Variants in ALK observed in about 807,000 individuals in gnomAD.
ALK encodes the protein ALK receptor tyrosine kinase.
Under a neutral mutation model 163.1 loss-of-function variants are expected in ALK, and 74 were observed. The observed-to-expected ratio is 0.45, with a 90% confidence interval of 0.38 to 0.55. ALK has a LOEUF of 0.55. Among genes scored for constraint, ALK ranks in the 20% least tolerant of loss-of-function variants. ALK has a pLI of 0.00. For missense variants in ALK, 2,063 were observed against 2,105.3 expected (o/e 0.98, Z 0.39); for synonymous variants, 960 against 843.2 (o/e 1.14, Z -2.40).
At chr2:29,548,212 GC>G (rs1673609139) in intron 3 of ALK, among the ~76,000 whole-genome samples, 2 of 152,136 alleles carry the variant, frequency 1.3e-5, no homozygotes, top group African/African-American at 4.8e-5. Context: ...GGTGGCTCAC[GC>G]CTGTAATCCC....
chr2:29,242,539 A>G (rs1338918377), intron 12 of ALK, among the ~76,000 whole-genome samples: 1 of 152,110 alleles, frequency 6.6e-6, no homozygotes, highest in Admixed American at 6.5e-5. Flanking sequence ...CCTCAACCAC[A>G]TCTGAGAGCC....
intron 2 of ALK, among the ~76,000 whole-genome samples, chr2:29,712,249 T>G (rs1679124935): frequency 6.6e-6 from 1 of 152,162 alleles, no homozygotes; most frequent in East Asian, 1.9e-4. Flanking sequence ...TCAGACTTTG[T>G]GGTGAATGCA....
chr2:29,317,985 T>C (rs1402170828), intron 8 of ALK, among the ~76,000 whole-genome samples: 1 of 152,246 alleles, frequency 6.6e-6, no homozygotes, highest in Non-Finnish European at 1.5e-5. Context: ...AAAAGGATTC[T>C]GTAGAAAGTC....
In ALK at chr2:29,193,474, C is replaced by G. The variant is rs1553386937; in HGVS notation, c.4613G>C (p.Ser1538Thr). The part of the protein sequence containing the change: ...HDRGNLGLEG[S>T]CTVPPNVATG... ...TGCAACGTTAGGTGGGACAGTACAG[C>G]TTCCCTCCAGCCCCAGGTTACCCCT... Residue 1538 changes from serine to threonine, a missense_variant, in exon 29 of 29, where the codon AGC becomes ACC. Around this residue, in one of 5 missense-constraint regions of ALK, gnomAD observed 403 missense variants for 366.2 expected, o/e 1.10. Transcript: ENST00000389048. 1 of 1,614,196 alleles carries G rather than the reference C, an allele frequency of 6.2e-7. No homozygotes were observed. The highest frequency in any genetic ancestry group is 8.5e-7 in the Non-Finnish European group (1 of 1,180,036).
intron 5 of ALK, among the ~76,000 whole-genome samples, chr2:29,353,389 A>G (rs1001658377): frequency 2.6e-5 from 4 of 152,188 alleles, no homozygotes; most frequent in South Asian, 2.1e-4. Flanking sequence ...GTGTATTTAC[A>G]TTTTGCAATT....
chr2:29,251,094 T>C lies in ALK; in HGVS notation c.2204+11A>G, dbSNP rs749868892. The C allele has an allele frequency of 6.2e-7, 1 of 1,613,310 alleles. No individual in the cohort carries two copies. Among genetic ancestry groups the C allele is most frequent in the Non-Finnish European group, 8.5e-7 (1 of 1,179,716 alleles). ...TGGTCTGCCCCTCCCCTCCCCCTCT[T>C]CCATACGCACCTGTAGGTGTCGGTG... is the stretch of plus-strand genomic sequence containing the variant. On this transcript the variant is annotated intron_variant, in intron 12 of 28. Coordinates refer to ENST00000389048, the MANE Select transcript of ALK (RefSeq NM_004304.5).
At chr2:29,399,802 T>C (rs994521889) in intron 4 of ALK, among the ~76,000 whole-genome samples, 5 of 152,214 alleles carry the variant, frequency 3.3e-5, no homozygotes, top group Non-Finnish European at 5.9e-5. Flanking sequence ...TCCTTCTTCC[T>C]TGCATTTTCA....
intron 1 of ALK, among the ~76,000 whole-genome samples, chr2:29,880,994 A>G (rs990426811): frequency 1.3e-5 from 2 of 152,232 alleles, no homozygotes; most frequent in African/African-American, 4.8e-5. Flanking sequence ...CCAAGGGTGG[A>G]CAGTTCAACT....
At chr2:29,323,781 G>C (rs1215210536) in intron 6 of ALK, among the ~76,000 whole-genome samples, 2 of 152,078 alleles carry the variant, frequency 1.3e-5, no homozygotes, top group African/African-American at 4.8e-5. Context: ...TGCAGGATTG[G>C]GTCTAATGGT....
chr2:29,337,759 G>T (rs765264244), intron 5 of ALK, among the ~76,000 whole-genome samples: 2 of 152,092 alleles, frequency 1.3e-5, no homozygotes, highest in Non-Finnish European at 2.9e-5. Flanking sequence ...TTTCTCCTTG[G>T]TCCAGTATTC....
intron 1 of ALK, among the ~76,000 whole-genome samples, chr2:29,831,281 G>GAAGAAGAAGAAGAA (rs1558509164): frequency 3.3e-5 from 4 of 122,576 alleles, no homozygotes; most frequent in Non-Finnish European, 6.8e-5. Flanking sequence ...AGAAGAAGAA[G>GAAGAAGAAGAAGAA]AAGAAGAAGA....
intron 1 of ALK, among the ~76,000 whole-genome samples, chr2:29,809,430 C>T (rs1437313012): frequency 1.3e-5 from 2 of 152,184 alleles, no homozygotes; most frequent in African/African-American, 4.8e-5. Context: ...TTTACTGGAA[C>T]AAAGGAGGAT....
intron 3 of ALK, among the ~76,000 whole-genome samples, chr2:29,591,043 C>A (rs1285605343): frequency 8.2e-6 from 1 of 121,564 alleles, no homozygotes; most frequent in African/African-American, 3.1e-5. Flanking sequence ...CGCACTCCAA[C>A]CTGGGAGACA....
At chr2:29,460,862 T>A (rs981289663) in intron 4 of ALK, among the ~76,000 whole-genome samples, 2 of 152,138 alleles carry the variant, frequency 1.3e-5, no homozygotes, top group African/African-American at 4.8e-5. Context: ...TGATTAAGCT[T>A]GGTAAGGAAG....
chr2:29,680,507 C>T (rs1334492797), intron 3 of ALK, among the ~76,000 whole-genome samples: 1 of 152,088 alleles, frequency 6.6e-6, no homozygotes, highest in African/African-American at 2.4e-5. Context: ...CACTTTCCAA[C>T]CCAAGATTTT....
At chr2:29,885,437 C>T (rs1025054058) in intron 1 of ALK, among the ~76,000 whole-genome samples, 3 of 151,958 alleles carry the variant, frequency 2.0e-5, no homozygotes, top group Admixed American at 6.6e-5. Context: ...TTATAGAAAA[C>T]GTTGTGAAAG....
intron 1 of ALK, among the ~76,000 whole-genome samples, chr2:29,787,091 G>A (rs554382979): frequency 2.6e-5 from 4 of 152,284 alleles, no homozygotes; most frequent in East Asian, 1.9e-4. Flanking sequence ...CACCATGCCC[G>A]GCCTTCCCTG....
At position 29,687,534 on chromosome 2, in the gene ALK, T is replaced by TA. The variant is rs967901751; in HGVS notation, c.952+7315dup. Among the ~76,000 whole-genome samples the TA allele has an allele frequency of 3.2e-3, 476 of 150,616 alleles. 3 individuals are homozygous for TA. The highest frequency in any genetic ancestry group is 7.8e-3 in the African/African-American group (321 of 41,074). ...ATGATAATTTTTTATTCCTTTGTAT[T>TA]AAAAAAAAAGGATAGCATGTTTTAT... On this transcript the variant is annotated intron_variant, in intron 3 of 28. Coordinates refer to ENST00000389048, the MANE Select transcript of ALK (RefSeq NM_004304.5).
intron 3 of ALK, among the ~76,000 whole-genome samples, chr2:29,653,921 G>A (rs543414277): frequency 6.6e-6 from 1 of 152,032 alleles, no homozygotes; most frequent in Non-Finnish European, 1.5e-5. Flanking sequence ...AATCAGCTGG[G>A]CAGGGCACAT....
Sources: allele counts gnomAD v4.1 joint callset (sites outside exome capture counted in the v4.1 genomes callset), GRCh38; gene constraint gnomAD v4.1.1; regional missense constraint gnomAD v4.1.1; transcripts MANE v1.5; gene names NCBI Gene and HGNC (gene_info 2026-07-23, HGNC 2026-07-21).